The following SPRR2G variants were observed in gnomAD, a reference collection of about 807,000 sequenced individuals.
SPRR2G encodes the protein small proline-rich protein 2G.
Under a neutral mutation model 0.7 loss-of-function variants are expected in SPRR2G, and 1 was observed. The ratio of observed to expected loss-of-function variants is 1.49; its 90% CI spans 0.53 to 7.06. SPRR2G has a LOEUF of 7.06. Among genes scored for constraint, SPRR2G ranks in the 30% most tolerant of loss-of-function variants. SPRR2G has a pLI of 0.14. For missense variants in SPRR2G, 96 were observed against 88.5 expected, an observed-to-expected ratio of 1.09 and a Z score of -0.34; for synonymous variants, 38 against 33.9, an observed-to-expected ratio of 1.12 and a Z score of -0.42.
chr1:153,190,709 A>G, the SPRR2G span: 2 of 152,086 alleles, frequency 1.3e-5, no homozygotes, highest in Non-Finnish European at 2.9e-5. Flanking sequence ...AACTGCTTAA[A>G]TCAATGAAAA....
chr1:153,159,046 G>T, the SPRR2G span, among the ~76,000 whole-genome samples: 1 of 152,124 alleles, frequency 6.6e-6, no homozygotes, highest in African/African-American at 2.4e-5. Flanking sequence ...GATGGGAGGG[G>T]CTGCCACGAA....
chr1:153,149,927 G>T lies in SPRR2G; in HGVS notation c.184C>A (p.Pro62Thr). Residue 62 changes from proline to threonine, a missense_variant, in exon 2 of 2, where the codon CCA becomes ACA. By Grantham distance (38) the Pro-to-Thr change is conservative. Transcript: ENST00000368748. ...GGTGGATACTTCTGCTGGCAGGGTG[G>T]GTATGGTTGCACAGGAGGGCATTTA... is the stretch of plus-strand genomic sequence containing the variant. ...QDKCPPVQPY[P>T]PCQQKYPPKS... 1.2e-6 allele frequency: 2 copies of T among 1,614,024 alleles called. No individual in the cohort carries two copies. Among genetic ancestry groups the T allele is most frequent in the Non-Finnish European group, 1.7e-6 (2 of 1,180,006 alleles).
At chr1:153,185,312 T>G in the SPRR2G span, among the ~76,000 whole-genome samples, 1 of 151,498 alleles carries the variant, frequency 6.6e-6, no homozygotes, top group East Asian at 1.9e-4. Flanking sequence ...CTGGTAGAAT[T>G]TGGCTGTGAA....
the SPRR2G span, among the ~76,000 whole-genome samples, chr1:153,200,606 G>A: frequency 6.6e-6 from 1 of 152,262 alleles, no homozygotes; most frequent in South Asian, 2.1e-4. Flanking sequence ...TAAGATGATG[G>A]TGACATTATA....
the SPRR2G span, among the ~76,000 whole-genome samples, chr1:153,184,844 T>C: frequency 6.6e-6 from 1 of 152,340 alleles, no homozygotes; most frequent in African/African-American, 2.4e-5. Context: ...TATGGGTTTG[T>C]CATAAATAAC....
At chr1:153,151,032 C>T (rs2101648022), upstream of SPRR2G, among the ~76,000 whole-genome samples, 1 of 152,366 alleles carries the variant, frequency 6.6e-6, no homozygotes, top group Non-Finnish European at 1.5e-5. Flanking sequence ...AATTCCTAGT[C>T]CATGATCCTC....
the SPRR2G span, among the ~76,000 whole-genome samples, chr1:153,180,831 C>T: frequency 2.0e-5 from 3 of 152,240 alleles, no homozygotes; most frequent in South Asian, 2.1e-4. Flanking sequence ...GGAGATAACA[C>T]GTTGTGACTT....
chr1:153,197,132 ATGTGTGTGTGTGTGTGTGTGTGTG>A, the SPRR2G span, among the ~76,000 whole-genome samples: 4 of 140,402 alleles, frequency 2.8e-5, no homozygotes, highest in Non-Finnish European at 4.6e-5. Context: ...CAGGCAGAGA[ATGTGTGTGTGTGTGTGTGTGTGTG>A]TGTGTGTGTG....
the SPRR2G span, among the ~76,000 whole-genome samples, chr1:153,197,243 G>T: frequency 6.6e-6 from 1 of 151,866 alleles, no homozygotes; most frequent in East Asian, 1.9e-4. Context: ...AGGGGAGATG[G>T]ACACTCGCTG....
At chr1:153,155,515 T>G (rs939658543), upstream of SPRR2G, among the ~76,000 whole-genome samples, 6 of 152,180 alleles carry the variant, frequency 3.9e-5, no homozygotes, top group Admixed American at 3.3e-4. Context: ...TTACCATAGC[T>G]TCCTAATATA....
At chr1:153,200,533 G>A in the SPRR2G span, among the ~76,000 whole-genome samples, 2 of 152,172 alleles carry the variant, frequency 1.3e-5, no homozygotes, top group African/African-American at 2.4e-5. Flanking sequence ...TGAGGGTGTA[G>A]GTTTTGCACT....
the SPRR2G span, chr1:153,190,316 GCATCCCCCGCC>G: frequency 6.6e-6 from 1 of 152,524 alleles, no homozygotes; most frequent in African/African-American, 2.4e-5. Context: ...AGAGGATACT[GCATCCCCCGCC>G]CACTTCCATC....
chr1:153,155,608 C>T (rs1348364500), upstream of SPRR2G, among the ~76,000 whole-genome samples: 1 of 152,162 alleles, frequency 6.6e-6, no homozygotes, highest in African/African-American at 2.4e-5. Context: ...AATCTGACTA[C>T]ATCACTTGCA....
At chr1:153,163,211 AT>A in the SPRR2G span, among the ~76,000 whole-genome samples, 1 of 152,200 alleles carries the variant, frequency 6.6e-6, no homozygotes, top group African/African-American at 2.4e-5. Flanking sequence ...AAGAAGCATT[AT>A]TTTTAGAACT....
chr1:153,154,670 T>C (rs111810641), upstream of SPRR2G, among the ~76,000 whole-genome samples: 1,139 of 152,274 alleles, frequency 7.5e-3, 18 homozygotes, highest in African/African-American at 0.026. Context: ...TCTTAGGATC[T>C]TTTTTATATC....
chr1:153,177,232 T>G, the SPRR2G span, among the ~76,000 whole-genome samples: 1 of 152,230 alleles, frequency 6.6e-6, no homozygotes, highest in Admixed American at 6.5e-5. Flanking sequence ...GTATGAATTT[T>G]CCATAATTTA....
upstream of SPRR2G, among the ~76,000 whole-genome samples, chr1:153,151,480 C>A (rs1035251869): frequency 2.6e-5 from 4 of 152,296 alleles, no homozygotes; most frequent in Admixed American, 2.0e-4. Context: ...TGGGCTTGAA[C>A]AAGGCAACAT....
chr1:153,186,556 A>G, the SPRR2G span, among the ~76,000 whole-genome samples: 110 of 147,434 alleles, frequency 7.5e-4, no homozygotes, highest in Non-Finnish European at 4.1e-4. Flanking sequence ...TTTTTTTTCT[A>G]TTTGCTACAT....
the SPRR2G span, among the ~76,000 whole-genome samples, chr1:153,165,741 G>A: frequency 1.3e-5 from 2 of 150,880 alleles, no homozygotes; most frequent in Non-Finnish European, 2.9e-5. Context: ...CTGGAAGTGT[G>A]GCTTTGGAGG....
Sources: gnomAD v4.1 joint callset for allele counts (sites outside exome capture counted in the v4.1 genomes callset) on GRCh38, gnomAD v4.1.1 for gene constraint, MANE v1.5 for transcripts, NCBI Gene and HGNC (gene_info 2026-07-23, HGNC 2026-07-21) for gene names.